GPAM: variants seen among roughly 807,000 people sequenced by gnomAD.
GPAM encodes the protein glycerol-3-phosphate acyltransferase 1, mitochondrial.
GPAM carries 56 observed loss-of-function variants against 105.0 expected under a neutral mutation model. The ratio of observed to expected loss-of-function variants is 0.53; its 90% CI spans 0.43 to 0.67. The LOEUF (loss-of-function observed/expected upper bound fraction) is 0.67, where lower values mean the gene tolerates loss of function less well. GPAM is among the 30% of genes least tolerant of loss of function. The pLI, the probability that GPAM is intolerant of heterozygous loss-of-function variation, is 0.00. For synonymous variants in GPAM, 368 were observed against 354.4 expected, an observed-to-expected ratio of 1.04 and a Z score of -0.43; for missense variants, 855 against 989.8, an observed-to-expected ratio of 0.86 and a Z score of 1.83.
chr10:112,159,813 T>C, intron 17 of GPAM, 98 bp downstream of exon 17: 2 of 1,164,738 alleles, frequency 1.7e-6, no homozygotes, highest in Non-Finnish European at 1.3e-6. Context: ...GTATCAACAA[T>C]GGGTCAAACA....
In GPAM at chr10:112,161,647, A is replaced by G. The variant is rs1847125331; in HGVS notation, c.1494+20T>C. On this transcript the variant is annotated intron_variant, in intron 15 of 21. Coordinates refer to ENST00000348367, the MANE Select transcript of GPAM (RefSeq NM_001244949.2). ...ATTCTCCTGCTTCCTACTTAACTGC[A>G]GGTGACATTGCAGACATACCTGCCT... 2 of 1,594,422 alleles carry G rather than the reference A, an allele frequency of 1.3e-6. No homozygotes were observed. Among genetic ancestry groups the G allele is most frequent in the Non-Finnish European group, 1.7e-6 (2 of 1,162,398 alleles).
chr10:112,173,628 C>A, intron 7 of GPAM, 71 bp downstream of exon 7: 1 of 1,414,992 alleles, frequency 7.1e-7, no homozygotes, highest in South Asian at 1.2e-5. Flanking sequence ...TAGGAAAGTT[C>A]AATAATTCAG....
intron 1 of GPAM, among the ~76,000 whole-genome samples, chr10:112,194,861 T>C (rs530367217): frequency 6.6e-6 from 1 of 152,310 alleles, no homozygotes; most frequent in African/African-American, 2.4e-5. Flanking sequence ...TACCATCTCC[T>C]CAGCAGGCCA....
At chr10:112,215,882 G>A (rs1418566407), upstream of GPAM, among the ~76,000 whole-genome samples, 1 of 152,216 alleles carries the variant, frequency 6.6e-6, no homozygotes, top group African/African-American at 2.4e-5. Context: ...TCTTTAAGCA[G>A]TCATGACTTT....
chr10:112,203,653 C>T (rs1847825648), intron 1 of GPAM, among the ~76,000 whole-genome samples: 6 of 152,220 alleles, frequency 3.9e-5, no homozygotes, highest in Admixed American at 3.9e-4. Flanking sequence ...ATACACATTA[C>T]TAACAATAAT....
intron 8 of GPAM, 68 bp from the exon 9 acceptor site, chr10:112,172,386 A>G (rs1048455095): frequency 1.6e-6 from 2 of 1,288,568 alleles, no homozygotes; most frequent in Admixed American, 1.7e-5. Flanking sequence ...GCAACTGCAT[A>G]TTTGGCTAGA....
At chr10:112,184,277 G>A (rs1258696682), upstream of GPAM, among the ~76,000 whole-genome samples, 1 of 152,116 alleles carries the variant, frequency 6.6e-6, no homozygotes, top group Non-Finnish European at 1.5e-5. Context: ...GAGAAATAAG[G>A]GCTTTTTTCC....
At chr10:112,169,801 A>C (rs1204194439) in intron 9 of GPAM, among the ~76,000 whole-genome samples, 1 of 152,220 alleles carries the variant, frequency 6.6e-6, no homozygotes, top group Non-Finnish European at 1.5e-5. Context: ...CTATATTTAC[A>C]GCCATTCCCC....
Position 112,151,962 on chromosome 10 carries a change from A to G in GPAM, c.*1588T>C. 1 of 981,572 alleles carries G rather than the reference A, an allele frequency of 1.0e-6. No homozygotes were observed. Among genetic ancestry groups the G allele is most frequent in the Non-Finnish European group, 1.2e-6 (1 of 826,412 alleles). The allele number at this position is 981,572 out of a possible 1,614,324, so 60.8% of individuals were successfully genotyped here. On this transcript the variant is annotated 3_prime_UTR_variant, in exon 22 of 22. Transcript: ENST00000348367. Reference sequence around the variant, plus strand: ...TAAAGAAAAAATATATTTTAAATGCAGAACTTGAGAGGGATCACAACAGCA... The same window carrying G: ...TAAAGAAAAAATATATTTTAAATGCGGAACTTGAGAGGGATCACAACAGCA...
chr10:112,173,963 C>T (rs774359689), intron 6 of GPAM, 118 bp from the exon 7 acceptor site: 12 of 831,116 alleles, frequency 1.4e-5, no homozygotes, highest in East Asian at 2.5e-5. Flanking sequence ...CTTTAAAATG[C>T]GGTAACATGA....
intron 1 of GPAM, among the ~76,000 whole-genome samples, chr10:112,200,244 T>TATATATAG (rs61460320): frequency 9.1e-4 from 113 of 123,562 alleles, no homozygotes; most frequent in African/African-American, 3.4e-3. Flanking sequence ...TATATATATA[T>TATATATAG]AGAGAGAGAG....
Position 112,178,183 on chromosome 10 carries a change from G to C in GPAM, c.226-126C>G, listed in dbSNP as rs2487294. 34 of 626,548 alleles carry C rather than the reference G, an allele frequency of 5.4e-5. No individual in the cohort carries two copies. The East Asian group carries it at 9.2e-4, about 17-fold the overall frequency. 38.8% of individuals were successfully genotyped at this position (626,548 alleles called of 1,614,324 possible). On this transcript the variant is annotated intron_variant, in intron 4 of 21. Coordinates refer to ENST00000348367, the MANE Select transcript of GPAM (RefSeq NM_001244949.2). Reference sequence around the variant, plus strand: ...ACAGATATTGCCTCAAAAATCTTAGGGAAGAAAAAAGTTTTATTGAAAAGT... The same window carrying C: ...ACAGATATTGCCTCAAAAATCTTAGCGAAGAAAAAAGTTTTATTGAAAAGT...
At chr10:112,168,820 A>G (rs1847263217) in intron 10 of GPAM, 33 bp downstream of exon 10, 1 of 1,302,606 alleles carries the variant, frequency 7.7e-7, no homozygotes, top group Non-Finnish European at 1.1e-6. Context: ...AACCAACACA[A>G]TGTCCCTAAG....
intron 1 of GPAM, among the ~76,000 whole-genome samples, chr10:112,189,679 G>T (rs1474070454): frequency 6.6e-6 from 1 of 152,200 alleles, no homozygotes; most frequent in Non-Finnish European, 1.5e-5. Flanking sequence ...TGGGCAATGT[G>T]AACTGAGAGC....
At chr10:112,174,407 G>C (rs958810251) in intron 6 of GPAM, among the ~76,000 whole-genome samples, 1 of 152,124 alleles carries the variant, frequency 6.6e-6, no homozygotes, top group African/African-American at 2.4e-5. Context: ...GCACAGCACA[G>C]AATAATAAGC....
At chr10:112,218,023 G>C (rs1847987932), upstream of GPAM, among the ~76,000 whole-genome samples, 1 of 152,226 alleles carries the variant, frequency 6.6e-6, no homozygotes, top group Non-Finnish European at 1.5e-5. Flanking sequence ...TTTACCTAAG[G>C]CTCAGAAAGA....
At chr10:112,217,450 T>TA (rs1392371661), upstream of GPAM, among the ~76,000 whole-genome samples, 2 of 152,040 alleles carry the variant, frequency 1.3e-5, no homozygotes, top group African/African-American at 4.8e-5. Flanking sequence ...GTTTTTTTTT[T>TA]TTGTGATATC....
intron 9 of GPAM, among the ~76,000 whole-genome samples, chr10:112,171,675 G>A (rs79569343): frequency 0.012 from 1,802 of 152,230 alleles, 42 homozygotes; most frequent in East Asian, 0.094. Context: ...TGAATGGAAC[G>A]CATTGAGGAA....
intron 17 of GPAM, among the ~76,000 whole-genome samples, chr10:112,159,602 A>G (rs1380865183): frequency 6.6e-6 from 1 of 152,108 alleles, no homozygotes; most frequent in Non-Finnish European, 1.5e-5. Flanking sequence ...TTAATTATTT[A>G]CAAACCACTG....
Sources: allele counts gnomAD v4.1 joint callset (sites outside exome capture counted in the v4.1 genomes callset), GRCh38; gene constraint gnomAD v4.1.1; transcripts MANE v1.5; gene names NCBI Gene and HGNC (gene_info 2026-07-23, HGNC 2026-07-21).